CDH12: variants seen among roughly 807,000 people sequenced by gnomAD.
CDH12 encodes cadherin-12.
In CDH12, 41 loss-of-function variants were observed where a neutral mutation model predicts 74.1. The observed-to-expected ratio is 0.55, with a 90% CI of 0.43 to 0.72. The LOEUF is 0.72. CDH12 is among the 30% of genes least tolerant of loss of function. CDH12 has a pLI of 0.00. For missense variants in CDH12, 945 were observed against 977.2 expected (o/e 0.97, Z 0.44); for synonymous variants, 399 against 355.0 (o/e 1.12, Z -1.39).
chr5:22,822,123 C>A (rs1470542904), intron 1 of CDH12, among the ~76,000 whole-genome samples: 50 of 151,978 alleles, frequency 3.3e-4, no homozygotes, highest in African/African-American at 1.2e-3. Flanking sequence ...CAAAAACAAG[C>A]AATGGGGAAA....
chr5:21,867,233 T>G (rs553569840), intron 6 of CDH12, among the ~76,000 whole-genome samples: 1 of 152,250 alleles, frequency 6.6e-6, no homozygotes, highest in South Asian at 2.1e-4. Flanking sequence ...TGTGTGCCTG[T>G]AATCCCAGCT....
At chr5:22,593,100 C>T (rs1324793237) in intron 1 of CDH12, among the ~76,000 whole-genome samples, 5 of 151,094 alleles carry the variant, frequency 3.3e-5, no homozygotes, top group South Asian at 2.1e-4. Flanking sequence ...CAAGATTCAG[C>T]GATCTTGTAC....
intron 5 of CDH12, among the ~76,000 whole-genome samples, chr5:21,979,149 C>A (rs925311664): frequency 9.2e-5 from 14 of 152,082 alleles, no homozygotes; most frequent in Admixed American, 9.2e-4. Flanking sequence ...TCCTTTGTAG[C>A]CATTTAAAAC....
chr5:21,830,199 C>CTAAAA (rs1748928289), intron 8 of CDH12, among the ~76,000 whole-genome samples: 1 of 25,234 alleles, frequency 4.0e-5, no homozygotes, highest in African/African-American at 1.2e-4. Flanking sequence ...AACTCCTTCT[C>CTAAAA]AAAAAAAAAA....
At chr5:22,753,368 C>T (rs1043438072) in intron 1 of CDH12, among the ~76,000 whole-genome samples, 7 of 149,104 alleles carry the variant, frequency 4.7e-5, no homozygotes, top group African/African-American at 1.7e-4. Flanking sequence ...ACCCGGGAGG[C>T]AGAGCTTGCA....
chr5:22,612,653 ATTTGG>A (rs1737469099), intron 1 of CDH12, among the ~76,000 whole-genome samples: 2 of 152,062 alleles, frequency 1.3e-5, no homozygotes, highest in Admixed American at 1.3e-4. Flanking sequence ...GTGATGCATC[ATTTGG>A]TATTTAAATT....
intron 1 of CDH12, among the ~76,000 whole-genome samples, chr5:22,572,273 A>C (rs1739577569): frequency 6.6e-6 from 1 of 152,156 alleles, no homozygotes; most frequent in Non-Finnish European, 1.5e-5. Context: ...TTTTCCTTAA[A>C]ATTTAATACT....
At chr5:22,404,172 T>G (rs1580612427) in intron 3 of CDH12, among the ~76,000 whole-genome samples, 1 of 152,060 alleles carries the variant, frequency 6.6e-6, no homozygotes, top group East Asian at 1.9e-4. Flanking sequence ...AAATAATATA[T>G]ATTTTATAAA....
chr5:22,354,340 C>G (rs558354601), intron 3 of CDH12, among the ~76,000 whole-genome samples: 1 of 152,320 alleles, frequency 6.6e-6, no homozygotes, highest in East Asian at 1.9e-4. Context: ...CCACCCCCAA[C>G]CCGCAACCAT....
chr5:22,047,957 C>T (rs1022054011), intron 5 of CDH12, among the ~76,000 whole-genome samples: 1 of 152,194 alleles, frequency 6.6e-6, no homozygotes, highest in Admixed American at 6.5e-5. Context: ...AGTTCACCAA[C>T]ATCATCCCCT....
At chr5:22,541,620 C>T (rs1561479457) in intron 1 of CDH12, among the ~76,000 whole-genome samples, 2 of 152,098 alleles carry the variant, frequency 1.3e-5, no homozygotes, top group African/African-American at 4.8e-5. Context: ...GACAGGGTAC[C>T]ATCCCCCACC....
chr5:22,000,302 G>T (rs73059277), intron 5 of CDH12, among the ~76,000 whole-genome samples: 42,538 of 151,840 alleles, frequency 0.28, 9,311 homozygotes, highest in African/African-American at 0.61. Context: ...TTGGTTATTT[G>T]TTTTTATCTT....
chr5:22,001,159 AG>A (rs1736579940), intron 5 of CDH12, among the ~76,000 whole-genome samples: 2 of 152,312 alleles, frequency 1.3e-5, no homozygotes, highest in Middle Eastern at 3.4e-3. Flanking sequence ...TAAGACAATG[AG>A]ATACACTATC....
chr5:22,378,765 A>T (rs116353675), intron 3 of CDH12, among the ~76,000 whole-genome samples: 1,821 of 152,244 alleles, frequency 0.012, 36 homozygotes, highest in African/African-American at 0.04. Context: ...TTTGAGAATT[A>T]TACAATATTT....
chr5:22,576,532 G>T (rs945303586), intron 1 of CDH12, among the ~76,000 whole-genome samples: 2 of 152,192 alleles, frequency 1.3e-5, no homozygotes, highest in African/African-American at 4.8e-5. Context: ...TTACTGTACA[G>T]TTATGTTCCG....
At chr5:22,624,159 T>C (rs979423958) in intron 1 of CDH12, among the ~76,000 whole-genome samples, 2 of 151,976 alleles carry the variant, frequency 1.3e-5, no homozygotes. Flanking sequence ...TATACAAAAA[T>C]TCAAGATGGA....
At chr5:22,640,198 C>T (rs573005963) in intron 1 of CDH12, among the ~76,000 whole-genome samples, 44 of 152,234 alleles carry the variant, frequency 2.9e-4, no homozygotes, top group Non-Finnish European at 5.6e-4. Context: ...TTGCCAGCCT[C>T]CATGACAAAT....
chr5:22,716,753 A>G (rs1469895567), intron 1 of CDH12, among the ~76,000 whole-genome samples: 2 of 152,106 alleles, frequency 1.3e-5, no homozygotes, highest in East Asian at 3.9e-4. Context: ...AAAAACAGTG[A>G]TATTGATGAT....
chr5:22,023,242 A>G (rs1191896589), intron 5 of CDH12, among the ~76,000 whole-genome samples: 1 of 152,094 alleles, frequency 6.6e-6, no homozygotes, highest in Admixed American at 6.6e-5. Flanking sequence ...TCTTGTATGT[A>G]GAAATTCTCC....
Sources: gnomAD v4.1 joint callset for allele counts (sites outside exome capture counted in the v4.1 genomes callset) on GRCh38, gnomAD v4.1.1 for gene constraint, MANE v1.5 for transcripts, NCBI Gene and HGNC (gene_info 2026-07-23, HGNC 2026-07-21) for gene names.